SPON1: variants seen among roughly 807,000 people sequenced by gnomAD.
SPON1 encodes the protein spondin-1.
Under a neutral mutation model 111.7 loss-of-function variants are expected in SPON1, and 52 were observed. The observed-to-expected ratio is 0.47, with a 90% CI of 0.37 to 0.59. SPON1 has a LOEUF of 0.59. Ranked by LOEUF, SPON1 falls within the 20% of genes least tolerant of loss-of-function variation. The pLI, the probability that SPON1 is intolerant of heterozygous loss-of-function variation, is 0.00. For synonymous variants in SPON1, 410 were observed against 395.8 expected (o/e 1.04, Z -0.43); for missense variants, 957 against 1,068.5 (o/e 0.90, Z 1.46).
chr11:13,976,067 G>A (rs957779718), intron 1 of SPON1, among the ~76,000 whole-genome samples: 4 of 152,062 alleles, frequency 2.6e-5, no homozygotes, highest in Non-Finnish European at 5.9e-5. Flanking sequence ...TATAAGAAAG[G>A]CGATATCATC....
chr11:14,178,192 G>T (rs1186293622), intron 6 of SPON1, among the ~76,000 whole-genome samples: 1 of 152,100 alleles, frequency 6.6e-6, no homozygotes, highest in African/African-American at 2.4e-5. Flanking sequence ...GGAGGCTGAG[G>T]CGGGTGGATC....
chr11:14,086,935 GA>G (rs1849011389), intron 5 of SPON1, among the ~76,000 whole-genome samples: 1 of 152,212 alleles, frequency 6.6e-6, no homozygotes, highest in Non-Finnish European at 1.5e-5. Context: ...TATTTGTGTA[GA>G]GGTGTTTATA....
At chr11:14,014,791 G>T (rs1199690447) in intron 2 of SPON1, among the ~76,000 whole-genome samples, 1 of 152,200 alleles carries the variant, frequency 6.6e-6, no homozygotes, top group Non-Finnish European at 1.5e-5. Context: ...ATTTGTGACT[G>T]TGGCCTTTTT....
chr11:14,110,116 T>C lies in SPON1; in HGVS notation c.677-25304T>C, dbSNP rs147218620. Among the ~76,000 whole-genome samples, 193 of 152,300 alleles carry C rather than the reference T, an allele frequency of 1.3e-3. No individual in the cohort carries two copies. The East Asian group carries it at 0.034, about 27-fold the overall frequency. On this transcript the variant is annotated intron_variant, in intron 5 of 15. Coordinates refer to ENST00000576479, the MANE Select transcript of SPON1 (RefSeq NM_006108.4). ...GTTCTATCAGTTATCCTACTGGCCA[T>C]CCAGGGTAGGAAGAAGACTAAAGCC...
intron 6 of SPON1, among the ~76,000 whole-genome samples, chr11:14,193,793 C>A (rs1019366255): frequency 7.9e-5 from 12 of 152,324 alleles, no homozygotes; most frequent in Non-Finnish European, 1.2e-4. Context: ...TCTCCTCTGA[C>A]ATCCAGGAGG....
chr11:14,241,691 C>T (rs529200984), intron 6 of SPON1, among the ~76,000 whole-genome samples: 1 of 152,064 alleles, frequency 6.6e-6, no homozygotes, highest in Non-Finnish European at 1.5e-5. Flanking sequence ...ATGGAGCTGG[C>T]ACTCAGGAGA....
intron 5 of SPON1, among the ~76,000 whole-genome samples, chr11:14,099,944 G>A (rs113605014): frequency 7.9e-5 from 12 of 152,168 alleles, no homozygotes; most frequent in Non-Finnish European, 1.3e-4. Flanking sequence ...CTACCAGAGC[G>A]AGAACTCACT....
intron 2 of SPON1, among the ~76,000 whole-genome samples, chr11:14,023,446 A>G (rs1554914949): frequency 6.6e-6 from 1 of 152,240 alleles, no homozygotes; most frequent in Non-Finnish European, 1.5e-5. Flanking sequence ...TGAAGTGCCA[A>G]GTGTGTAGTA....
At chr11:14,088,896 G>C (rs1849028330) in intron 5 of SPON1, among the ~76,000 whole-genome samples, 1 of 151,484 alleles carries the variant, frequency 6.6e-6, no homozygotes, top group African/African-American at 2.4e-5. Context: ...TTCAATATCT[G>C]ATATCCCTTC....
chr11:13,979,475 A>G (rs1293478620), intron 1 of SPON1, among the ~76,000 whole-genome samples: 1 of 152,220 alleles, frequency 6.6e-6, no homozygotes, highest in African/African-American at 2.4e-5. Context: ...TGATTCTTTT[A>G]AGGAAATGCT....
chr11:14,128,811 C>A (rs1847493339), intron 5 of SPON1, among the ~76,000 whole-genome samples: 1 of 152,234 alleles, frequency 6.6e-6, no homozygotes. Flanking sequence ...AGGCAGAGGT[C>A]CCCAAACCTC....
chr11:14,110,634 AG>A (rs1253403816), intron 5 of SPON1, among the ~76,000 whole-genome samples: 1 of 152,198 alleles, frequency 6.6e-6, no homozygotes, highest in East Asian at 1.9e-4. Flanking sequence ...CTGAGGTCAA[AG>A]GCCCAAGGGC....
intron 3 of SPON1, among the ~76,000 whole-genome samples, chr11:14,066,904 A>G (rs1528645): frequency 0.99 from 151,203 of 152,214 alleles, 75,107 homozygotes; most frequent in East Asian, 1. Context: ...GTGTGGGAGC[A>G]ATAGCTCACA....
At chr11:14,090,901 G>C (rs1446915388) in intron 5 of SPON1, among the ~76,000 whole-genome samples, 1 of 136,044 alleles carries the variant, frequency 7.4e-6, no homozygotes, top group Admixed American at 8.4e-5. Flanking sequence ...GGCGCTGATT[G>C]GTGCATTTAC....
In SPON1 at chr11:14,265,733, C is replaced by T. The variant is rs370612496; in HGVS notation, c.*46C>T. On this transcript the variant is annotated 3_prime_UTR_variant, in exon 16 of 16. Coordinates refer to ENST00000576479, the MANE Select transcript of SPON1 (RefSeq NM_006108.4). ...GGCTGCACTCTAGATTCCAGAGTCA[C>T]CAATGGCTGGATTATTTGCTTGTTT... 1.9e-6 allele frequency: 3 copies of T among 1,577,556 alleles called. No homozygotes were observed. The highest frequency in any genetic ancestry group is 2.6e-6 in the Non-Finnish European group (3 of 1,157,762).
At chr11:14,149,442 G>C (rs1478984741) in intron 6 of SPON1, among the ~76,000 whole-genome samples, 1 of 152,068 alleles carries the variant, frequency 6.6e-6, no homozygotes, top group African/African-American at 2.4e-5. Flanking sequence ...GTAAAAAAAA[G>C]TGTATAAAGT....
At chr11:14,248,353 A>C (rs972630574) in intron 7 of SPON1, among the ~76,000 whole-genome samples, 2 of 152,130 alleles carry the variant, frequency 1.3e-5, no homozygotes, top group Non-Finnish European at 2.9e-5. Context: ...GGGATGAAAG[A>C]GTCAAAGGAG....
chr11:14,170,373 T>C (rs1296044984), intron 6 of SPON1, among the ~76,000 whole-genome samples: 3 of 152,230 alleles, frequency 2.0e-5, no homozygotes, highest in Non-Finnish European at 2.9e-5. Context: ...TGAAGTTGCT[T>C]ATCAGCTTCA....
intron 6 of SPON1, among the ~76,000 whole-genome samples, chr11:14,208,024 TA>T (rs1217548492): frequency 6.6e-6 from 1 of 152,082 alleles, no homozygotes. Context: ...TATGCATCCA[TA>T]AAAAAGAATG....
Sources: gnomAD v4.1 joint callset for allele counts (sites outside exome capture counted in the v4.1 genomes callset) on GRCh38, gnomAD v4.1.1 for gene constraint, MANE v1.5 for transcripts, NCBI Gene and HGNC (gene_info 2026-07-23, HGNC 2026-07-21) for gene names.